ARHGAP15: variants seen among roughly 807,000 people sequenced by gnomAD.
The protein encoded by ARHGAP15 is Rho GTPase activating protein 15.
In ARHGAP15, 51 loss-of-function variants were observed where a neutral mutation model predicts 63.7. The observed-to-expected ratio is 0.80, with a 90% CI of 0.64 to 1.01. The LOEUF (loss-of-function observed/expected upper bound fraction) is 1.01. Ranked by LOEUF, ARHGAP15 falls within the 50% of genes least tolerant of loss-of-function variation. The probability of loss-of-function intolerance (pLI) is 0.00; values close to 1 mark genes in which losing one functional copy is unlikely to be tolerated. For missense variants in ARHGAP15, 560 were observed against 564.6 expected (o/e 0.99, Z 0.08); for synonymous variants, 191 against 193.8 (o/e 0.99, Z 0.12).
chr2:143,307,599 G>T (rs573400577), intron 6 of ARHGAP15, among the ~76,000 whole-genome samples: 3 of 152,084 alleles, frequency 2.0e-5, no homozygotes, highest in South Asian at 2.1e-4. Context: ...AGGGAAAGAG[G>T]TTGATCTGGA....
At chr2:143,762,552 T>TAACA (rs1401249384) in intron 13 of ARHGAP15, among the ~76,000 whole-genome samples, 1 of 152,156 alleles carries the variant, frequency 6.6e-6, no homozygotes, top group Admixed American at 6.6e-5. Flanking sequence ...ATAAAATTCC[T>TAACA]AACATTTTCA....
rs372166565 is a variant in ARHGAP15, at chr2:143,216,462, A to G, written c.296+17A>G. 1.1e-4 allele frequency: 177 copies of G among 1,550,240 alleles called. No individual in the cohort carries two copies. The highest frequency in any genetic ancestry group is 6.0e-5 in the Non-Finnish European group (68 of 1,127,326). Reference sequence around the variant, plus strand: ...GAAACTAAGGTAATAAAATTCTTTAATTCACTTTTATATAACTATGCTGGT... The same window carrying G: ...GAAACTAAGGTAATAAAATTCTTTAGTTCACTTTTATATAACTATGCTGGT... On this transcript the variant is annotated intron_variant, in intron 4 of 13. Transcript: ENST00000295095.
chr2:143,240,500 A>C (rs1693824200), intron 5 of ARHGAP15, among the ~76,000 whole-genome samples: 1 of 152,186 alleles, frequency 6.6e-6, no homozygotes, highest in Non-Finnish European at 1.5e-5. Context: ...GCTTAAGAAG[A>C]TCATGAAAAA....
At chr2:143,649,259 AAGTC>A (rs1275622413) in intron 12 of ARHGAP15, among the ~76,000 whole-genome samples, 1 of 152,006 alleles carries the variant, frequency 6.6e-6, no homozygotes, top group Non-Finnish European at 1.5e-5. Flanking sequence ...AAGACACTGA[AAGTC>A]AGATCTGTTG....
chr2:143,701,234 T>C (rs1295517716), intron 12 of ARHGAP15, among the ~76,000 whole-genome samples: 1 of 152,220 alleles, frequency 6.6e-6, no homozygotes, highest in African/African-American at 2.4e-5. Flanking sequence ...CTGTAATTCC[T>C]TATAAAAAAA....
intron 2 of ARHGAP15, among the ~76,000 whole-genome samples, chr2:143,197,117 G>C (rs1691912259): frequency 6.6e-6 from 1 of 151,914 alleles, no homozygotes; most frequent in Non-Finnish European, 1.5e-5. Flanking sequence ...AAAGTTCTGA[G>C]ATTGTTGAGG....
At chr2:143,178,278 C>A (rs752378733) in intron 2 of ARHGAP15, among the ~76,000 whole-genome samples, 2 of 152,046 alleles carry the variant, frequency 1.3e-5, no homozygotes, top group Admixed American at 1.3e-4. Context: ...GAAAAAACTT[C>A]AAAAATTATA....
At chr2:143,556,553 C>A in intron 11 of ARHGAP15, 68 bp downstream of exon 11, 1 of 1,030,368 alleles carries the variant, frequency 9.7e-7, no homozygotes, top group Non-Finnish European at 1.4e-6. Flanking sequence ...ATACACTGTG[C>A]TGTATGTACT....
At position 143,413,971 on chromosome 2, in the gene ARHGAP15, G is replaced by GCGCGCACGCGCGCGCA. The variant is rs147891307; in HGVS notation, c.475-21629_475-21628insGCGCACGCGCGCGCAC. Among the ~76,000 whole-genome samples, 6 of 147,640 alleles carry GCGCGCACGCGCGCGCA rather than the reference G, an allele frequency of 4.1e-5. No homozygotes were observed. In the East Asian group the frequency reaches 6.1e-4, roughly 15 times the overall value. On this transcript the variant is annotated intron_variant, in intron 6 of 13. Transcript: ENST00000295095. ...TGTGTGTGTGTGTGTGTGTGTGCGC[G>GCGCGCACGCGCGCGCA]CTCTCTGGCAGAAAGTTAATCTGAA...
chr2:143,502,377 C>G (rs912757532), intron 9 of ARHGAP15, among the ~76,000 whole-genome samples: 1 of 151,826 alleles, frequency 6.6e-6, no homozygotes, highest in Non-Finnish European at 1.5e-5. Flanking sequence ...CCATTGCACT[C>G]CAGCCTGGGT....
At chr2:143,597,666 T>A (rs1273219407) in intron 11 of ARHGAP15, among the ~76,000 whole-genome samples, 2 of 152,046 alleles carry the variant, frequency 1.3e-5, no homozygotes, top group Non-Finnish European at 1.5e-5. Context: ...TAGCATTTAC[T>A]CACATGAGAA....
intron 9 of ARHGAP15, among the ~76,000 whole-genome samples, chr2:143,489,891 C>G (rs1692502881): frequency 6.6e-6 from 1 of 152,162 alleles, no homozygotes; most frequent in South Asian, 2.1e-4. Context: ...CCTCTATTAC[C>G]AAGGTTCAGG....
At chr2:143,756,800 A>T (rs993961097) in intron 13 of ARHGAP15, among the ~76,000 whole-genome samples, 1 of 152,230 alleles carries the variant, frequency 6.6e-6, no homozygotes. Context: ...CACCCTTCTT[A>T]TCTGTGCAGA....
At chr2:143,229,468 C>T (rs1336908101) in intron 5 of ARHGAP15, among the ~76,000 whole-genome samples, 2 of 152,100 alleles carry the variant, frequency 1.3e-5, no homozygotes, top group South Asian at 2.1e-4. Flanking sequence ...AAGAGCAATT[C>T]GGAGCCAGTT....
At chr2:143,273,690 A>C (rs1297724811) in intron 6 of ARHGAP15, among the ~76,000 whole-genome samples, 1 of 152,138 alleles carries the variant, frequency 6.6e-6, no homozygotes, top group Non-Finnish European at 1.5e-5. Context: ...TATTTGTACA[A>C]TTTTTTAATT....
chr2:143,399,872 C>T (rs1164130135), intron 6 of ARHGAP15, among the ~76,000 whole-genome samples: 2 of 151,976 alleles, frequency 1.3e-5, no homozygotes, highest in Non-Finnish European at 2.9e-5. Context: ...CTCCTTCCAA[C>T]TTCAAAATGT....
At chr2:143,661,732 C>T (rs542435057) in intron 12 of ARHGAP15, among the ~76,000 whole-genome samples, 13 of 152,296 alleles carry the variant, frequency 8.5e-5, no homozygotes, top group East Asian at 3.9e-4. Context: ...GTGCGTGAGC[C>T]GAAGCAGGGT....
In ARHGAP15 at chr2:143,130,041, A is replaced by G. The variant is rs180978441; in HGVS notation, c.-15+575A>G. On this transcript the variant is annotated intron_variant, in intron 1 of 13. Coordinates refer to ENST00000295095, the MANE Select transcript of ARHGAP15 (RefSeq NM_018460.4). ...ACTTGAAATTTTTTTTCTAAATTTCATTTAAGATATAGGGTGAAATGAGTG... is the reference window on the plus strand; with the variant it reads ...ACTTGAAATTTTTTTTCTAAATTTCGTTTAAGATATAGGGTGAAATGAGTG... 2.0e-5 allele frequency among the ~76,000 whole-genome samples: 3 copies of G among 152,260 alleles called. No homozygotes were observed. In the East Asian group the frequency reaches 5.8e-4, roughly 29 times the overall value.
intron 11 of ARHGAP15, among the ~76,000 whole-genome samples, chr2:143,617,180 C>T (rs1005029095): frequency 2.0e-5 from 3 of 152,148 alleles, no homozygotes; most frequent in African/African-American, 7.2e-5. Context: ...TATTTTTCTT[C>T]AAATGGAATT....
Sources: gnomAD v4.1 joint callset for allele counts (sites outside exome capture counted in the v4.1 genomes callset) on GRCh38, gnomAD v4.1.1 for gene constraint, MANE v1.5 for transcripts, NCBI Gene and HGNC (gene_info 2026-07-23, HGNC 2026-07-21) for gene names.